The following NLGN1 variants were observed in gnomAD, a reference collection of about 807,000 sequenced individuals.
NLGN1 encodes neuroligin 1, also known as neuroligin-1.
In NLGN1, 12 loss-of-function variants were observed where a neutral mutation model predicts 65.5. That is an observed-to-expected ratio of 0.18 (90% CI 0.12 to 0.30). The LOEUF (loss-of-function observed/expected upper bound fraction) is 0.30. Among genes scored for constraint, NLGN1 ranks in the 10% least tolerant of loss-of-function variants. The probability of loss-of-function intolerance (pLI) is 1.00; values close to 1 mark genes in which losing one functional copy is unlikely to be tolerated. For synonymous variants in NLGN1, 350 were observed against 359.5 expected, an observed-to-expected ratio of 0.97 and a Z score of 0.30; for missense variants, 750 against 1,007.1, an observed-to-expected ratio of 0.74 and a Z score of 3.46.
chr3:173,451,294 T>C (rs1041750363), intron 2 of NLGN1, among the ~76,000 whole-genome samples: 4 of 152,242 alleles, frequency 2.6e-5, no homozygotes, highest in Non-Finnish European at 5.9e-5. Context: ...GACCCTCAGC[T>C]GCAGGTCAGT....
chr3:174,207,942 C>T (rs936921777), intron 4 of NLGN1, among the ~76,000 whole-genome samples: 2 of 152,158 alleles, frequency 1.3e-5, no homozygotes, highest in African/African-American at 2.4e-5. Flanking sequence ...AAAATGCAAA[C>T]GCTGCATGTA....
intron 4 of NLGN1, among the ~76,000 whole-genome samples, chr3:174,088,043 T>C (rs1320003379): frequency 6.6e-6 from 1 of 152,228 alleles, no homozygotes; most frequent in African/African-American, 2.4e-5. Flanking sequence ...TATGTGTATG[T>C]ATAGCGTATA....
At chr3:173,454,549 T>C (rs1265687577) in intron 2 of NLGN1, among the ~76,000 whole-genome samples, 1 of 151,920 alleles carries the variant, frequency 6.6e-6, no homozygotes, top group East Asian at 1.9e-4. Context: ...TGTCAGCACT[T>C]TCTACATGCA....
chr3:173,603,605 AC>A (rs1750913100), intron 2 of NLGN1, among the ~76,000 whole-genome samples: 1 of 152,108 alleles, frequency 6.6e-6, no homozygotes, highest in African/African-American at 2.4e-5. Context: ...TATCCCTTTT[AC>A]AAATTGTATC....
At chr3:173,807,184 C>T (rs910178809) in intron 3 of NLGN1, among the ~76,000 whole-genome samples, 1 of 152,114 alleles carries the variant, frequency 6.6e-6, no homozygotes, top group African/African-American at 2.4e-5. Flanking sequence ...CAAATTGGAG[C>T]ATAAATGAGT....
At chr3:173,828,601 G>T (rs1721835143) in intron 4 of NLGN1, among the ~76,000 whole-genome samples, 1 of 152,042 alleles carries the variant, frequency 6.6e-6, no homozygotes, top group South Asian at 2.1e-4. Flanking sequence ...AAAATACAAA[G>T]TATGTTTGAT....
At chr3:173,887,969 C>A (rs189746642) in intron 4 of NLGN1, among the ~76,000 whole-genome samples, 1 of 152,064 alleles carries the variant, frequency 6.6e-6, no homozygotes, top group East Asian at 1.9e-4. Context: ...TAAATTACTT[C>A]TAACTGATCT....
At chr3:173,712,545 T>G (rs1769157058) in intron 3 of NLGN1, among the ~76,000 whole-genome samples, 1 of 152,178 alleles carries the variant, frequency 6.6e-6, no homozygotes, top group African/African-American at 2.4e-5. Context: ...ATTCTACCTT[T>G]TTGAAGCTTA....
intron 4 of NLGN1, among the ~76,000 whole-genome samples, chr3:173,838,022 T>C (rs1355129477): frequency 3.9e-5 from 6 of 152,172 alleles, no homozygotes; most frequent in Non-Finnish European, 7.3e-5. Context: ...CTAATTTTGA[T>C]TTTGTAGAAT....
At chr3:173,502,217 T>C (rs1370640794) in intron 2 of NLGN1, among the ~76,000 whole-genome samples, 1 of 152,126 alleles carries the variant, frequency 6.6e-6, no homozygotes, top group African/African-American at 2.4e-5. Context: ...TCAGAAGTGA[T>C]TATTAATTTT....
chr3:173,652,329 G>T (rs893393951), intron 3 of NLGN1, among the ~76,000 whole-genome samples: 1 of 152,142 alleles, frequency 6.6e-6, no homozygotes, highest in African/African-American at 2.4e-5. Context: ...TCTTAGTCAT[G>T]AATGCCTTGC....
chr3:174,116,148 A>G (rs934330968), intron 4 of NLGN1, among the ~76,000 whole-genome samples: 1 of 152,110 alleles, frequency 6.6e-6, no homozygotes. Flanking sequence ...TAGACAATAT[A>G]AAAGCTTTGA....
chr3:173,410,921 T>C (rs1044022392), intron 1 of NLGN1, among the ~76,000 whole-genome samples: 2 of 152,208 alleles, frequency 1.3e-5, no homozygotes, highest in African/African-American at 2.4e-5. Context: ...ATCCCACACT[T>C]TCAAGGCAAC....
chr3:173,987,193 C>T (rs1213354726), intron 4 of NLGN1, among the ~76,000 whole-genome samples: 2 of 152,122 alleles, frequency 1.3e-5, no homozygotes, highest in Admixed American at 6.6e-5. Context: ...TCTTTGAAGA[C>T]CAGTCTAATG....
chr3:174,116,656 A>G (rs1716551117), intron 4 of NLGN1, among the ~76,000 whole-genome samples: 1 of 151,932 alleles, frequency 6.6e-6, no homozygotes, highest in Admixed American at 6.6e-5. Flanking sequence ...AGATTTTTAG[A>G]ACTCATAGAC....
chr3:174,277,004 CAGTT>C (rs1393277343), intron 5 of NLGN1, among the ~76,000 whole-genome samples: 2 of 151,832 alleles, frequency 1.3e-5, no homozygotes, highest in Admixed American at 6.6e-5. Flanking sequence ...AGAGATGAGT[CAGTT>C]AGTTCATCAG....
intron 2 of NLGN1, among the ~76,000 whole-genome samples, chr3:173,568,158 C>T (rs1461658376): frequency 3.3e-5 from 5 of 150,750 alleles, no homozygotes; most frequent in African/African-American, 7.3e-5. Flanking sequence ...CCTTCCTTTC[C>T]TTCTTTCTTT....
chr3:174,156,968 C>A, intron 4 of NLGN1, among the ~76,000 whole-genome samples: 1 of 149,466 alleles, frequency 6.7e-6, no homozygotes, highest in Non-Finnish European at 1.5e-5. Flanking sequence ...TCTACATAGT[C>A]TTATTTAAGG....
At chr3:173,406,539 C>G (rs150113085) in intron 1 of NLGN1, among the ~76,000 whole-genome samples, 58 of 146,482 alleles carry the variant, frequency 4.0e-4, no homozygotes, top group African/African-American at 1.3e-3. Context: ...ATATATATAT[C>G]AATATATATG....
Sources: gnomAD v4.1 joint callset for allele counts (sites outside exome capture counted in the v4.1 genomes callset) on GRCh38, gnomAD v4.1.1 for gene constraint, MANE v1.5 for transcripts, NCBI Gene and HGNC (gene_info 2026-07-23, HGNC 2026-07-21) for gene names.